The following RPL9 variants were observed in gnomAD, a reference collection of about 807,000 sequenced individuals.
RPL9 encodes large ribosomal subunit protein uL6.
For missense variants in RPL9, 149 were observed against 236.7 expected (o/e 0.63, Z 2.43); for synonymous variants, 82 against 77.1 (o/e 1.06, Z -0.33).
chr4:39,455,045 A>T (rs1744032253), intron 5 of RPL9, 101 bp from the exon 6 acceptor site: 2 of 1,212,782 alleles, frequency 1.6e-6, no homozygotes, highest in Non-Finnish European at 2.3e-6. Flanking sequence ...ATGCACCAAA[A>T]GAACCTTTTC....
chr4:39,457,867 T>C, intron 3 of RPL9, 186 bp from the exon 4 acceptor site: 1 of 634,138 alleles, frequency 1.6e-6, no homozygotes, highest in Non-Finnish European at 2.8e-6. Context: ...GCAACAAACT[T>C]CCCTTCTGGA....
chr4:39,455,074 GCA>G (rs1323981391), intron 5 of RPL9, 130 bp from the exon 6 acceptor site: 3 of 916,038 alleles, frequency 3.3e-6, no homozygotes, highest in Admixed American at 5.5e-5. Context: ...TTGAGGCCGG[GCA>G]CAGTGGCTCA....
intron 5 of RPL9, 156 bp downstream of exon 5, chr4:39,456,250 T>TC (rs3216720): frequency 5.0e-6 from 4 of 800,686 alleles, no homozygotes; most frequent in South Asian, 3.0e-5. Flanking sequence ...CACCAACAGT[T>TC]TAAGTGTAAT....
At chr4:39,454,824 A>G in intron 6 of RPL9, 40 bp downstream of exon 6, 1 of 1,591,330 alleles carries the variant, frequency 6.3e-7, no homozygotes, top group Non-Finnish European at 8.6e-7. Flanking sequence ...GATTTAGACA[A>G]AATCTTGTAG....
chr4:39,454,606 G>C lies in RPL9; in HGVS notation c.516C>G (p.Ile172Met). The C allele has an allele frequency of 4.3e-6, 7 of 1,613,378 alleles. No homozygotes were observed. The highest frequency in any genetic ancestry group is 1.3e-5 in the African/African-American group (1 of 75,014). The change falls in exon 7 of 8, where the codon ATC becomes ATG. Residue 172 changes from isoleucine (I) to methionine (M), a missense_variant. Coordinates refer to ENST00000295955, the MANE Select transcript of RPL9 (RefSeq NM_000661.5). Reference protein sequence around the residue: ...QQATTVKNKDIRKFLDGIYVS... With the variant: ...QQATTVKNKDMRKFLDGIYVS... ...CATAGATACCATCCAAAAATTTCCTGATATCCTTGTTTTTAACTGTTGTGG... is the reference window on the plus strand; with the variant it reads ...CATAGATACCATCCAAAAATTTCCTCATATCCTTGTTTTTAACTGTTGTGG...
Position 39,458,279 on chromosome 4 carries a change from A to G in RPL9, c.77T>C (p.Ile26Thr), listed in dbSNP as rs553047254. 2.8e-5 allele frequency: 45 copies of G among 1,614,188 alleles called. No individual in the cohort carries two copies. The highest frequency in any genetic ancestry group is 2.7e-4 in the South Asian group (25 of 91,086). The change falls in exon 3 of 8, where the codon ATC (isoleucine) becomes ACC (threonine). Residue 26 changes from isoleucine to threonine, a missense_variant. Ile to Thr is a moderately conservative substitution (Grantham distance 89). Coordinates refer to ENST00000295955, the MANE Select transcript of RPL9 (RefSeq NM_000661.5). ...VDITLKGRTV[I>T]VKGPRGTLRR... Reference sequence around the variant, plus strand: ...CAGGGTTCCTCTGGGGCCCTTCACGATAACTGTGCGTCCCTTCAGAGTAAT... The same window carrying G: ...CAGGGTTCCTCTGGGGCCCTTCACGGTAACTGTGCGTCCCTTCAGAGTAAT...
At chr4:39,458,861 GTACCCCCAC>G (rs1357518256) in intron 1 of RPL9, 21 bp downstream of exon 1, 26 of 697,422 alleles carry the variant, frequency 3.7e-5, no homozygotes, top group Admixed American at 3.6e-4. Flanking sequence ...CAGATTCCCA[GTACCCCCAC>G]GAGCACAGAA....
chr4:39,456,187 T>C (rs966408372), intron 5 of RPL9: 3 of 570,308 alleles, frequency 5.3e-6, no homozygotes, highest in Non-Finnish European at 9.6e-6. Flanking sequence ...GCTACTCCAA[T>C]GTATCAACTT....
chr4:39,456,897 A>C (rs1744108084), intron 4 of RPL9: 1 of 209,670 alleles, frequency 4.8e-6, no homozygotes, highest in African/African-American at 2.4e-5. Flanking sequence ...CCCTGCCTTC[A>C]AGGAACTTAA....
intron 5 of RPL9, chr4:39,455,904 T>G: frequency 5.5e-6 from 1 of 183,282 alleles, no homozygotes; most frequent in Non-Finnish European, 1.1e-5. Flanking sequence ...AGAGATGACA[T>G]GCCCAAGGTG....
At chr4:39,458,840 G>C in intron 1 of RPL9, 51 bp downstream of exon 1, 1 of 693,680 alleles carries the variant, frequency 1.4e-6, no homozygotes, top group Admixed American at 2.0e-5. Flanking sequence ...CTTTCCCAGA[G>C]CAGATGGTTT....
At position 39,456,308 on chromosome 4, in the gene RPL9, AAAC is replaced by A. The variant is rs747496351; in HGVS notation, c.391+95_391+97del. 1.4e-5 allele frequency: 20 copies of A among 1,390,436 alleles called. No individual in the cohort carries two copies. In the East Asian group the frequency reaches 2.3e-4, roughly 16 times the overall value. The allele number at this position is 1,390,436 out of a possible 1,614,324, so 86.1% of individuals were successfully genotyped here. On this transcript the variant is annotated intron_variant, in intron 5 of 7. Coordinates refer to ENST00000295955, the MANE Select transcript of RPL9 (RefSeq NM_000661.5). ...TCTGGTTTTACTCAGCACAAACACA[AAAC>A]AACAGCCAACTAAAGTATGGAAGTT...
chr4:39,456,620 T>A, intron 4 of RPL9, 82 bp from the exon 5 acceptor site: 1 of 1,471,488 alleles, frequency 6.8e-7, no homozygotes, highest in Non-Finnish European at 9.2e-7. Flanking sequence ...ATGCTTATAC[T>A]TATTTTAAAA....
At chr4:39,457,381 A>T (rs1338525101) in intron 4 of RPL9, 1 of 446,322 alleles carries the variant, frequency 2.2e-6, no homozygotes, top group Admixed American at 3.9e-5. Flanking sequence ...AACAACAGAA[A>T]AAAACAAACA....
chr4:39,455,459 G>A (rs544374307), intron 5 of RPL9, among the ~76,000 whole-genome samples: 1 of 152,094 alleles, frequency 6.6e-6, no homozygotes, highest in South Asian at 2.1e-4. Flanking sequence ...AGAGGCCAAG[G>A]GGGAAGAACT....
At chr4:39,454,685 C>T (rs765691487) in intron 6 of RPL9, 36 bp from the exon 7 acceptor site, 3 of 1,557,752 alleles carry the variant, frequency 1.9e-6, no homozygotes, top group South Asian at 2.3e-5. Flanking sequence ...AATACATCAG[C>T]CTAACCCATC....
At chr4:39,456,685 A>T in intron 4 of RPL9, 147 bp from the exon 5 acceptor site, 1 of 862,582 alleles carries the variant, frequency 1.2e-6, no homozygotes, top group African/African-American at 1.7e-5. Flanking sequence ...CAAGCCTTAT[A>T]AACATTGTTC....
chr4:39,457,516 T>TA (rs1343523300), intron 4 of RPL9, 70 bp downstream of exon 4: 15 of 1,258,336 alleles, frequency 1.2e-5, no homozygotes, highest in Non-Finnish European at 1.7e-5. Flanking sequence ...AAGAGACACT[T>TA]ACGCTGTATA....
intron 4 of RPL9, 114 bp from the exon 5 acceptor site, chr4:39,456,652 T>C: frequency 8.6e-7 from 1 of 1,164,152 alleles, no homozygotes; most frequent in Non-Finnish European, 1.2e-6. Context: ...CTGCCAAGAT[T>C]TTCTAATAAC....
Sources: allele counts gnomAD v4.1 joint callset (sites outside exome capture counted in the v4.1 genomes callset), GRCh38; gene constraint gnomAD v4.1.1; transcripts MANE v1.5; gene names NCBI Gene and HGNC (gene_info 2026-07-23, HGNC 2026-07-21).